PTPRT: variants seen among roughly 807,000 people sequenced by gnomAD.
PTPRT encodes the protein protein tyrosine phosphatase receptor type T.
Under a neutral mutation model 176.8 loss-of-function variants are expected in PTPRT, and 56 were observed. The ratio of observed to expected loss-of-function variants is 0.32; its 90% confidence interval spans 0.26 to 0.40. The LOEUF is 0.40. Among genes scored for constraint, PTPRT ranks in the 10% least tolerant of loss-of-function variants. PTPRT has a pLI of 1.00. For synonymous variants in PTPRT, 783 were observed against 739.0 expected (o/e 1.06, Z -0.96); for missense variants, 1,540 against 1,908.2 (o/e 0.81, Z 3.60).
intron 7 of PTPRT, among the ~76,000 whole-genome samples, chr20:42,573,244 C>A (rs2073190337): frequency 6.6e-6 from 1 of 152,110 alleles, no homozygotes; most frequent in African/African-American, 2.4e-5. Context: ...AAGGAATGCC[C>A]CTGGCTGCAC....
chr20:42,929,871 G>A (rs1979724144), intron 1 of PTPRT, among the ~76,000 whole-genome samples: 1 of 152,226 alleles, frequency 6.6e-6, no homozygotes. Context: ...CAATGTGTTA[G>A]CAAACAATTT....
chr20:43,180,980 T>C (rs1470090244), intron 1 of PTPRT, among the ~76,000 whole-genome samples: 1 of 152,174 alleles, frequency 6.6e-6, no homozygotes, highest in Non-Finnish European at 1.5e-5. Context: ...TACAAAGGAC[T>C]GTGACTTCCA....
intron 7 of PTPRT, among the ~76,000 whole-genome samples, chr20:42,524,485 T>C (rs1014161528): frequency 3.3e-5 from 5 of 152,340 alleles, no homozygotes; most frequent in Admixed American, 3.3e-4. Context: ...TCATTGCTGC[T>C]GTTGAGAAAC....
chr20:42,648,819 T>C (rs1265588839), intron 7 of PTPRT, among the ~76,000 whole-genome samples: 1 of 109,218 alleles, frequency 9.2e-6, no homozygotes, highest in Non-Finnish European at 1.8e-5. Flanking sequence ...TTGGTGTCGT[T>C]GTTTTTTTTT....
chr20:43,094,764 G>A (rs1452491292), intron 1 of PTPRT, among the ~76,000 whole-genome samples: 1 of 152,028 alleles, frequency 6.6e-6, no homozygotes, highest in Non-Finnish European at 1.5e-5. Context: ...AGCTCTATAG[G>A]GCCTCATCTG....
At chr20:42,055,778 G>A in the PTPRT span, among the ~76,000 whole-genome samples, 1 of 152,186 alleles carries the variant, frequency 6.6e-6, no homozygotes, top group Non-Finnish European at 1.5e-5. Context: ...AGAACAGGAG[G>A]AGCTGCATTT....
At chr20:42,058,067 T>A in the PTPRT span, among the ~76,000 whole-genome samples, 1 of 152,126 alleles carries the variant, frequency 6.6e-6, no homozygotes, top group Non-Finnish European at 1.5e-5. Flanking sequence ...CTCTCCTTCC[T>A]CCTGAATACC....
chr20:43,123,784 G>A (rs1323173966), intron 1 of PTPRT, among the ~76,000 whole-genome samples: 2 of 152,198 alleles, frequency 1.3e-5, no homozygotes, highest in African/African-American at 4.8e-5. Flanking sequence ...CCAGCTGAAA[G>A]ACCACCAGAT....
intron 6 of PTPRT, among the ~76,000 whole-genome samples, chr20:42,723,519 C>T (rs939214352): frequency 2.6e-5 from 4 of 152,298 alleles, no homozygotes; most frequent in Middle Eastern, 3.4e-3. Context: ...CTGCCATGTT[C>T]AGTGCAGTTG....
chr20:42,958,497 A>G (rs1981804999), intron 1 of PTPRT, among the ~76,000 whole-genome samples: 1 of 149,838 alleles, frequency 6.7e-6, no homozygotes, highest in African/African-American at 2.5e-5. Context: ...AGGAAGGAAG[A>G]AAGGAAACCT....
chr20:42,830,665 T>C (rs750979369), intron 2 of PTPRT, among the ~76,000 whole-genome samples: 1 of 152,262 alleles, frequency 6.6e-6, no homozygotes, highest in Non-Finnish European at 1.5e-5. Context: ...CTCCCCCTGT[T>C]TGCATACAAC....
At chr20:42,801,513 T>C (rs2145585655) in intron 2 of PTPRT, among the ~76,000 whole-genome samples, 1 of 152,300 alleles carries the variant, frequency 6.6e-6, no homozygotes, top group Non-Finnish European at 1.5e-5. Flanking sequence ...TTAATAAAAT[T>C]TGTTCTAACC....
chr20:43,147,887 C>T (rs1299447966), intron 1 of PTPRT, among the ~76,000 whole-genome samples: 1 of 152,184 alleles, frequency 6.6e-6, no homozygotes, highest in Non-Finnish European at 1.5e-5. Context: ...GATCACAGAA[C>T]CTGGCACTCT....
At chr20:43,160,741 G>A (rs2014670861) in intron 1 of PTPRT, among the ~76,000 whole-genome samples, 1 of 152,070 alleles carries the variant, frequency 6.6e-6, no homozygotes, top group Non-Finnish European at 1.5e-5. Flanking sequence ...ATGTTTAGAA[G>A]CCAGAATAGT....
At chr20:42,869,498 A>G (rs971450250) in intron 2 of PTPRT, among the ~76,000 whole-genome samples, 1 of 152,124 alleles carries the variant, frequency 6.6e-6, no homozygotes, top group African/African-American at 2.4e-5. Flanking sequence ...CTTGGGACCT[A>G]TTACCTTTTC....
At chr20:42,033,082 G>A in the PTPRT span, among the ~76,000 whole-genome samples, 4 of 152,296 alleles carry the variant, frequency 2.6e-5, no homozygotes, top group East Asian at 5.8e-4. Context: ...TGTGGTTAGG[G>A]CAGAGGTGAG....
chr20:42,296,959 T>C (rs2057396476), intron 12 of PTPRT, among the ~76,000 whole-genome samples: 1 of 151,678 alleles, frequency 6.6e-6, no homozygotes, highest in Admixed American at 6.6e-5. Flanking sequence ...TATAAATATA[T>C]CCTACTATGT....
At chr20:42,717,206 AT>A in intron 6 of PTPRT, among the ~76,000 whole-genome samples, 1 of 150,764 alleles carries the variant, frequency 6.6e-6, no homozygotes, top group South Asian at 2.1e-4. Flanking sequence ...AATAATAATA[AT>A]AATAATAAAA....
intron 1 of PTPRT, among the ~76,000 whole-genome samples, chr20:42,962,570 T>C (rs181686353): frequency 2.1e-4 from 32 of 152,306 alleles, no homozygotes; most frequent in Non-Finnish European, 4.0e-4. Context: ...TGGATAAACA[T>C]TTATATAAGT....
Sources: allele counts gnomAD v4.1 joint callset (sites outside exome capture counted in the v4.1 genomes callset), GRCh38; gene constraint gnomAD v4.1.1; transcripts MANE v1.5; gene names NCBI Gene and HGNC (gene_info 2026-07-23, HGNC 2026-07-21).